CD163L1: variants seen among roughly 807,000 people sequenced by gnomAD.
CD163L1 encodes scavenger receptor cysteine-rich type 1 protein M160.
CD163L1 carries 124 observed loss-of-function variants against 165.4 expected under a neutral mutation model. That is an observed-to-expected ratio of 0.75 (90% CI 0.65 to 0.87). The LOEUF (loss-of-function observed/expected upper bound fraction) is 0.87. CD163L1 is among the 40% of genes least tolerant of loss of function. The pLI, the probability that CD163L1 is intolerant of heterozygous loss-of-function variation, is 0.00. For synonymous variants in CD163L1, 585 were observed against 662.2 expected (o/e 0.88, Z 1.79); for missense variants, 1,525 against 1,799.9 (o/e 0.85, Z 2.76).
intron 4 of CD163L1, among the ~76,000 whole-genome samples, chr12:7,420,511 G>GA (rs995399582): frequency 5.8e-4 from 87 of 150,672 alleles, no homozygotes; most frequent in African/African-American, 1.8e-3. Flanking sequence ...AAATTAGCAA[G>GA]AAAAAAAACA....
chr12:7,421,058 T>C (rs1275406511), intron 4 of CD163L1, among the ~76,000 whole-genome samples: 2 of 77,152 alleles, frequency 2.6e-5, no homozygotes, highest in Non-Finnish European at 4.1e-5. Flanking sequence ...TGTATATACG[T>C]ATATATGTAT....
At chr12:7,324,190 G>A in the CD163L1 span, 47 of 1,507,154 alleles carry the variant, frequency 3.1e-5, no homozygotes, top group African/African-American at 5.4e-4. Context: ...AGTAGGATGT[G>A]TAATGTACTA....
chr12:7,427,298 G>A (rs1948561163), intron 4 of CD163L1, among the ~76,000 whole-genome samples: 1 of 152,038 alleles, frequency 6.6e-6, no homozygotes, highest in African/African-American at 2.4e-5. Flanking sequence ...TCTTTAGATG[G>A]CATGTCTTCA....
chr12:7,384,626 A>G (rs1312438894), intron 8 of CD163L1, among the ~76,000 whole-genome samples: 2 of 152,170 alleles, frequency 1.3e-5, no homozygotes, highest in Non-Finnish European at 1.5e-5. Context: ...ACAGGCCAGG[A>G]AAGAAAGGTA....
intron 1 of CD163L1, among the ~76,000 whole-genome samples, chr12:7,442,315 A>G (rs1948840981): frequency 6.6e-6 from 1 of 152,220 alleles, no homozygotes; most frequent in Admixed American, 6.5e-5. Context: ...GGACAGAAGG[A>G]ACAGTACCCA....
chr12:7,421,165 ATGTATATATGTATATATATG>A lies in CD163L1; in HGVS notation c.766+11231_766+11250del, dbSNP rs1439200704. 2.6e-4 allele frequency among the ~76,000 whole-genome samples: 35 copies of A among 135,784 alleles called. No individual in the cohort carries two copies. In the South Asian group the frequency reaches 6.5e-3, roughly 25 times the overall value. The allele number at this position is 135,784 out of a possible 152,430, so 89.1% of individuals were successfully genotyped here. On this transcript the variant is annotated intron_variant, in intron 4 of 19. Coordinates refer to ENST00000313599, the MANE Select transcript of CD163L1 (RefSeq NM_174941.6). ...TATATATGTGTATAAATGTATATATATGTATATATGTATATATATGTGTATATATGTATATATATGGGTAT... is the reference window on the plus strand; with the variant it reads ...TATATATGTGTATAAATGTATATATATGTATATATGTATATATATGGGTAT...
Position 7,355,597 on chromosome 12 carries a change from G to A in CD163L1, c.*25-467C>T, listed in dbSNP as rs146236506. Among the ~76,000 whole-genome samples the A allele has an allele frequency of 2.2e-3, 338 of 152,218 alleles. 1 individual carries two copies. Among genetic ancestry groups the A allele is most frequent in the African/African-American group, 7.7e-3 (320 of 41,548 alleles). ...GAATAATAGACTTGCTCAGTGTTAT[G>A]AGCTGAATTGGGTCCCCCCAAATTC... On this transcript the variant is annotated intron_variant, in intron 19 of 19. Coordinates refer to ENST00000313599, the MANE Select transcript of CD163L1 (RefSeq NM_174941.6).
At chr12:7,438,683 AACAC>A in intron 2 of CD163L1, 1 of 654,556 alleles carries the variant, frequency 1.5e-6, no homozygotes, top group Non-Finnish European at 2.5e-6. Flanking sequence ...CATGGTCATA[AACAC>A]TTTCTCATAG....
intron 8 of CD163L1, 110 bp from the exon 9 acceptor site, chr12:7,379,408 T>G (rs1947340579): frequency 9.3e-7 from 1 of 1,073,568 alleles, no homozygotes; most frequent in Non-Finnish European, 1.3e-6. Context: ...GTTGAGAGAT[T>G]GTTTAGGTCC....
At chr12:7,382,468 G>T (rs1158875980) in intron 8 of CD163L1, among the ~76,000 whole-genome samples, 1 of 152,190 alleles carries the variant, frequency 6.6e-6, no homozygotes, top group Admixed American at 6.5e-5. Flanking sequence ...CACAGAGAGA[G>T]AAAGAAGTGA....
rs1310239795 is a variant in CD163L1 at position 7,368,885 on chromosome 12, A to C, written c.4072+48T>G. On this transcript the variant is annotated intron_variant, in intron 16 of 19. Coordinates refer to ENST00000313599, the MANE Select transcript of CD163L1 (RefSeq NM_174941.6). The surrounding 1 kb of genome is among the most constrained non-coding windows in gnomAD (Gnocchi z 4.3). ...AGTTTCTGCCCTCCCTTGACCTTCCATGTAGCCTTAGGTATTTGTGTCAGC... is the reference window on the plus strand; with the variant it reads ...AGTTTCTGCCCTCCCTTGACCTTCCCTGTAGCCTTAGGTATTTGTGTCAGC... 1.2e-6 allele frequency: 2 copies of C among 1,602,806 alleles called. No individual in the cohort carries two copies.
chr12:7,421,492 C>CAT lies in CD163L1; in HGVS notation c.766+10922_766+10923dup, dbSNP rs769152351. Among the ~76,000 whole-genome samples the CAT allele has an allele frequency of 2.7e-4, 29 of 108,906 alleles. 2 individuals carry two copies. The highest frequency in any genetic ancestry group is 1.8e-3 in the South Asian group (6 of 3,244). The allele number at this position is 108,906 out of a possible 152,430, so 71.4% of individuals were successfully genotyped here. A position where few individuals can be genotyped will look rare whatever the true frequency, so the allele number is the denominator to read the frequency against. ...ATATATACATATATGTACATATATA[C>CAT]ATATATGTACATATACATATACATA... On this transcript the variant is annotated intron_variant, in intron 4 of 19. Coordinates refer to ENST00000313599, the MANE Select transcript of CD163L1 (RefSeq NM_174941.6).
At chr12:7,395,627 C>A (rs761058630) in intron 8 of CD163L1, among the ~76,000 whole-genome samples, 2 of 152,118 alleles carry the variant, frequency 1.3e-5, no homozygotes, top group Admixed American at 6.5e-5. Context: ...TAAACCCAGA[C>A]CTCTGGATGA....
rs201477717 is a variant in CD163L1, at chr12:7,388,766, G to GC, written c.2050+7328_2050+7329insG. Among the ~76,000 whole-genome samples, 527 of 150,858 alleles carry GC rather than the reference G, an allele frequency of 3.5e-3. 28 individuals carry two copies. The East Asian group carries it at 0.069, about 20-fold the overall frequency. ...TTCAAAAAAAAAAAAAAACAAAGTG[G>GC]GGGGGGCAAAGGATAGGAATAGACA... On this transcript the variant is annotated intron_variant, in intron 8 of 19. Coordinates refer to ENST00000313599, the MANE Select transcript of CD163L1 (RefSeq NM_174941.6).
the CD163L1 span, chr12:7,324,257 C>T: frequency 2.2e-5 from 36 of 1,610,230 alleles, no homozygotes; most frequent in Non-Finnish European, 2.9e-5. Context: ...CCCCAAATGT[C>T]ATCCTTGGTT....
chr12:7,326,923 C>T, the CD163L1 span: 1 of 1,528,188 alleles, frequency 6.5e-7, no homozygotes, highest in Non-Finnish European at 8.8e-7. Context: ...GTTGCAAATC[C>T]TTGATGTGTC....
At position 7,403,756 on chromosome 12, in the gene CD163L1, T is replaced by C; in HGVS notation, c.1187A>G (p.Gln396Arg). The change falls in exon 6 of 20, where the codon CAG (glutamine) becomes CGG (arginine). Residue 396 changes from glutamine to arginine, a missense_variant. Gln to Arg is a conservative substitution (Grantham distance 43). Transcript: ENST00000313599. ...AAGGGCTTGTTCATTCTTCCAGTTC[T>C]GGTCACATATTGTCCACCACTGTTC... Reference protein sequence around the residue: ...IHEQWWTICDQNWKNEQALVV... With the variant: ...IHEQWWTICDRNWKNEQALVV... 2.5e-6 allele frequency: 4 copies of C among 1,613,970 alleles called. No individual in the cohort carries two copies. The highest frequency in any genetic ancestry group is 1.1e-5 in the South Asian group (1 of 91,078).
Position 7,432,863 on chromosome 12 carries a change from A to G in CD163L1, c.446-127T>C, listed in dbSNP as rs1415003102. ...ACCAAAAATTAAAAAAAAATAACTG[A>G]AAATACTTATAGGAGGGGTATGTGA... On this transcript the variant is annotated intron_variant, in intron 3 of 19. Coordinates refer to ENST00000313599, the MANE Select transcript of CD163L1 (RefSeq NM_174941.6). The surrounding 1 kb of genome is among the most constrained non-coding windows in gnomAD (Gnocchi z 4.2). 1 of 772,016 alleles carries G rather than the reference A, an allele frequency of 1.3e-6. No homozygotes were observed. The highest frequency in any genetic ancestry group is 1.9e-6 in the Non-Finnish European group (1 of 513,564). The allele number at this position is 772,016 out of a possible 1,614,324, so 47.8% of individuals were successfully genotyped here. A position where few individuals can be genotyped will look rare whatever the true frequency, so the allele number is the denominator to read the frequency against.
intron 2 of CD163L1, chr12:7,440,113 G>C: frequency 2.6e-6 from 2 of 772,796 alleles, no homozygotes; most frequent in South Asian, 1.7e-5. Flanking sequence ...TGGCGGGCTT[G>C]GACCCGCCGC....
Sources: gnomAD v4.1 joint callset for allele counts (sites outside exome capture counted in the v4.1 genomes callset) on GRCh38, gnomAD v4.1.1 for gene constraint, Gnocchi (gnomAD v3.1) non-coding constraint, MANE v1.5 for transcripts, NCBI Gene and HGNC (gene_info 2026-07-23, HGNC 2026-07-21) for gene names.